The following TEC variants were observed in gnomAD, a reference collection of about 807,000 sequenced individuals.
TEC encodes tec protein tyrosine kinase, also known as tyrosine-protein kinase Tec.
A neutral mutation model predicts 93.0 loss-of-function variants in TEC; 72 were observed. That is an observed-to-expected ratio of 0.77 (90% CI 0.64 to 0.94). The LOEUF (loss-of-function observed/expected upper bound fraction) is 0.94. TEC is among the 40% of genes least tolerant of loss of function. The probability of loss-of-function intolerance (pLI) is 0.00; values close to 1 mark genes in which losing one functional copy is unlikely to be tolerated. For synonymous variants in TEC, 249 were observed against 247.7 expected (o/e 1.01, Z -0.05); for missense variants, 630 against 757.9 (o/e 0.83, Z 1.98).
chr4:48,213,837 C>T (rs1159075), intron 2 of TEC, among the ~76,000 whole-genome samples: 13,076 of 151,878 alleles, frequency 0.086, 698 homozygotes, highest in East Asian at 0.22. Flanking sequence ...CCAGGCTAGA[C>T]GTAAACTCTT....
chr4:48,160,608 T>C (rs2109530993), intron 8 of TEC, among the ~76,000 whole-genome samples: 1 of 151,562 alleles, frequency 6.6e-6, no homozygotes, highest in South Asian at 2.1e-4. Context: ...GCACCTGTAA[T>C]CCCAGCTACC....
chr4:48,213,332 T>A (rs893632131), intron 2 of TEC, among the ~76,000 whole-genome samples: 4 of 152,224 alleles, frequency 2.6e-5, no homozygotes, highest in Non-Finnish European at 5.9e-5. Context: ...CAATGTAGAA[T>A]CATGCGAAAC....
chr4:48,144,811 T>G (rs1273475262), intron 14 of TEC, among the ~76,000 whole-genome samples: 1 of 152,208 alleles, frequency 6.6e-6, no homozygotes, highest in Non-Finnish European at 1.5e-5. Flanking sequence ...GAGAATCCAC[T>G]GTGAGTAGCT....
intron 2 of TEC, among the ~76,000 whole-genome samples, chr4:48,201,938 A>C (rs1189096292): frequency 6.6e-6 from 1 of 151,752 alleles, no homozygotes; most frequent in Non-Finnish European, 1.5e-5. Context: ...CCAGATTCCA[A>C]AGTACTGTGG....
At chr4:48,202,249 A>C (rs1472585662) in intron 2 of TEC, among the ~76,000 whole-genome samples, 2 of 152,206 alleles carry the variant, frequency 1.3e-5, no homozygotes, top group Non-Finnish European at 2.9e-5. Flanking sequence ...TATTTACTCA[A>C]ATCAGTGTGA....
chr4:48,167,017 C>T lies in TEC; in HGVS notation c.671+761G>A, dbSNP rs79507445. Reference sequence around the variant, plus strand: ...GACAAAAAGTTCTCCTCTTCTCATCCACTGGAACTCAGAGTATAAGTGGGA... The same window carrying T: ...GACAAAAAGTTCTCCTCTTCTCATCTACTGGAACTCAGAGTATAAGTGGGA... On this transcript the variant is annotated intron_variant, in intron 7 of 17. Transcript: ENST00000381501. 7.2e-3 allele frequency among the ~76,000 whole-genome samples: 1,091 copies of T among 151,940 alleles called. 15 individuals are homozygous for T. The highest frequency in any genetic ancestry group is 0.025 in the African/African-American group (1,028 of 41,416).
intron 2 of TEC, among the ~76,000 whole-genome samples, chr4:48,195,384 C>T (rs942550138): frequency 6.6e-6 from 1 of 152,122 alleles, no homozygotes; most frequent in African/African-American, 2.4e-5. Flanking sequence ...AAGAGCCCAT[C>T]ATAAACCAGT....
chr4:48,169,607 A>G (rs1189225887), intron 5 of TEC, among the ~76,000 whole-genome samples: 2 of 152,210 alleles, frequency 1.3e-5, no homozygotes, highest in East Asian at 1.9e-4. Flanking sequence ...GGACCCAGTG[A>G]GCATTCTGCA....
intron 2 of TEC, among the ~76,000 whole-genome samples, chr4:48,187,192 C>G (rs1002785258): frequency 6.6e-6 from 1 of 152,212 alleles, no homozygotes; most frequent in South Asian, 2.1e-4. Flanking sequence ...GGATTAAGGG[C>G]GGTGCAAGAT....
At chr4:48,266,785 C>A (rs530470158) in intron 1 of TEC, among the ~76,000 whole-genome samples, 7 of 151,588 alleles carry the variant, frequency 4.6e-5, no homozygotes, top group African/African-American at 1.7e-4. Context: ...TTGTGGTGAG[C>A]CAAGATCGTG....
At chr4:48,226,355 TA>T (rs1258036272) in intron 2 of TEC, among the ~76,000 whole-genome samples, 1 of 142,602 alleles carries the variant, frequency 7.0e-6, no homozygotes, top group Non-Finnish European at 1.6e-5. Flanking sequence ...TTTCTCTCAG[TA>T]AAAGTTACAC....
chr4:48,253,029 G>A (rs1241738491), intron 1 of TEC, among the ~76,000 whole-genome samples: 6 of 152,224 alleles, frequency 3.9e-5, no homozygotes, highest in Middle Eastern at 3.4e-3. Context: ...AGAATGCAGC[G>A]CTTCCCAACT....
At chr4:48,166,296 T>A (rs1166488820) in intron 7 of TEC, among the ~76,000 whole-genome samples, 1 of 152,188 alleles carries the variant, frequency 6.6e-6, no homozygotes, top group Non-Finnish European at 1.5e-5. Flanking sequence ...CACAGAGCTC[T>A]AAATCCAAAC....
chr4:48,201,150 G>A (rs1722493335), intron 2 of TEC, among the ~76,000 whole-genome samples: 1 of 152,158 alleles, frequency 6.6e-6, no homozygotes, highest in Non-Finnish European at 1.5e-5. Context: ...AGAACCTGTT[G>A]AGAGTCCAGA....
At chr4:48,168,745 G>A in intron 5 of TEC, 119 bp from the exon 6 acceptor site, 1 of 970,746 alleles carries the variant, frequency 1.0e-6, no homozygotes, top group Non-Finnish European at 1.6e-6. Flanking sequence ...AGCACACTCT[G>A]ACCAACTCTG....
chr4:48,215,173 A>T (rs1723032892), intron 2 of TEC, among the ~76,000 whole-genome samples: 1 of 152,136 alleles, frequency 6.6e-6, no homozygotes, highest in Middle Eastern at 3.2e-3. Flanking sequence ...ACTAATTAAA[A>T]TAATTTTTTA....
chr4:48,157,730 G>C (rs947372205), intron 8 of TEC, among the ~76,000 whole-genome samples: 45 of 152,286 alleles, frequency 3.0e-4, no homozygotes, highest in Admixed American at 9.8e-4. Flanking sequence ...TGGCCAGGCT[G>C]GTCTCGAACT....
intron 10 of TEC, 122 bp downstream of exon 10, chr4:48,150,741 C>T (rs1720122676): frequency 1.6e-6 from 1 of 637,636 alleles, no homozygotes; most frequent in Non-Finnish European, 2.5e-6. Flanking sequence ...AAATCAAGTT[C>T]AGGTTTTCTT....
intron 2 of TEC, among the ~76,000 whole-genome samples, chr4:48,218,530 C>A (rs1445570939): frequency 6.6e-6 from 1 of 152,158 alleles, no homozygotes; most frequent in Non-Finnish European, 1.5e-5. Flanking sequence ...AGAAATTATT[C>A]TTTTCCCATT....
Sources: gnomAD v4.1 joint callset for allele counts (sites outside exome capture counted in the v4.1 genomes callset) on GRCh38, gnomAD v4.1.1 for gene constraint, MANE v1.5 for transcripts, NCBI Gene and HGNC (gene_info 2026-07-23, HGNC 2026-07-21) for gene names.